Variants in ENTPD1 observed in about 807,000 individuals in gnomAD.
The protein encoded by ENTPD1 is ATP diphosphohydrolase.
Under a neutral mutation model 57.0 loss-of-function variants are expected in ENTPD1, and 33 were observed. The observed-to-expected ratio is 0.58, with a 90% CI of 0.44 to 0.77. ENTPD1 has a LOEUF of 0.77. Ranked by LOEUF, ENTPD1 falls within the 30% of genes least tolerant of loss-of-function variation. ENTPD1 has a pLI of 0.00. For synonymous variants in ENTPD1, 202 were observed against 218.8 expected, an observed-to-expected ratio of 0.92 and a Z score of 0.68; for missense variants, 501 against 603.4, an observed-to-expected ratio of 0.83 and a Z score of 1.78.
chr10:95,806,684 C>T (rs887699841), intron 1 of ENTPD1, among the ~76,000 whole-genome samples: 1 of 152,092 alleles, frequency 6.6e-6, no homozygotes, highest in African/African-American at 2.4e-5. Flanking sequence ...TGTAGGTGTC[C>T]TTTTTGTTGA....
chr10:95,835,155 C>T (rs1187680986), intron 2 of ENTPD1, among the ~76,000 whole-genome samples: 1 of 152,000 alleles, frequency 6.6e-6, no homozygotes, highest in East Asian at 1.9e-4. Context: ...TCATGTGTAC[C>T]CAACGTTTAG....
intron 1 of ENTPD1, among the ~76,000 whole-genome samples, chr10:95,758,002 CA>C (rs57407553): frequency 5.4e-3 from 143 of 26,400 alleles, no homozygotes; most frequent in South Asian, 0.021. Flanking sequence ...GACACTGTCT[CA>C]AAAAAAAAAA....
chr10:95,827,413 C>T (rs948119810), intron 2 of ENTPD1, among the ~76,000 whole-genome samples: 9 of 152,012 alleles, frequency 5.9e-5, no homozygotes, highest in Non-Finnish European at 1.0e-4. Flanking sequence ...CAAGATCACG[C>T]CACTACACTC....
At chr10:95,801,699 T>C (rs891046442) in intron 1 of ENTPD1, among the ~76,000 whole-genome samples, 2 of 152,266 alleles carry the variant, frequency 1.3e-5, no homozygotes, top group Non-Finnish European at 1.5e-5. Flanking sequence ...TGTCTGATTT[T>C]GTACCAGAAC....
intron 1 of ENTPD1, among the ~76,000 whole-genome samples, chr10:95,793,037 T>C (rs1337804379): frequency 1.3e-5 from 2 of 152,196 alleles, no homozygotes; most frequent in Non-Finnish European, 2.9e-5. Flanking sequence ...CCTTACGTCA[T>C]TGCTTCCTCC....
intron 1 of ENTPD1, among the ~76,000 whole-genome samples, chr10:95,778,283 A>G (rs534097147): frequency 1.3e-5 from 2 of 152,254 alleles, no homozygotes; most frequent in East Asian, 3.9e-4. Flanking sequence ...CTTGGAACCA[A>G]GATGTTTCTA....
At chr10:95,810,105 G>A (rs2098297538) in intron 1 of ENTPD1, among the ~76,000 whole-genome samples, 1 of 149,570 alleles carries the variant, frequency 6.7e-6, no homozygotes, top group Non-Finnish European at 1.5e-5. Context: ...CCCGGACAGG[G>A]CGGCCGGGCA....
intron 2 of ENTPD1, chr10:95,839,485 A>G (rs1391755418): frequency 4.8e-6 from 3 of 620,658 alleles, no homozygotes; most frequent in Admixed American, 2.5e-5. Flanking sequence ...TATTTCTAAC[A>G]TGCAAACAGC....
At chr10:95,743,291 C>T (rs530791760) in intron 1 of ENTPD1, among the ~76,000 whole-genome samples, 40 of 152,356 alleles carry the variant, frequency 2.6e-4, no homozygotes, top group Non-Finnish European at 4.3e-4. Flanking sequence ...GTGCCATTTT[C>T]ATCACATCAT....
At chr10:95,707,816 G>A (rs888459576), upstream of ENTPD1, among the ~76,000 whole-genome samples, 1 of 152,124 alleles carries the variant, frequency 6.6e-6, no homozygotes, top group Non-Finnish European at 1.5e-5. Context: ...TGCTAGCCAG[G>A]CTAGTCTTGA....
rs1759742121 is a variant in ENTPD1 at position 95,722,331 on chromosome 10, AT to A, written c.37+10339del. The stretch of plus-strand genomic sequence containing the variant: ...TATTATACTTTAAGTTTTAGGGTAC[AT>A]GTGCACAATGTGCAGGTTAGTTACA... On this transcript the variant is annotated intron_variant, in intron 1 of 9. Coordinates refer to the ENTPD1 transcript ENST00000453258. Among the ~76,000 whole-genome samples the A allele has an allele frequency of 2.0e-5, 3 of 151,372 alleles. No homozygotes were observed. The South Asian group carries it at 6.3e-4, about 32-fold the overall frequency.
intron 1 of ENTPD1, among the ~76,000 whole-genome samples, chr10:95,761,575 T>A (rs1169153938): frequency 6.6e-6 from 1 of 152,212 alleles, no homozygotes; most frequent in South Asian, 2.1e-4. Context: ...TGCAGGATGA[T>A]GGGAAGCCTA....
chr10:95,852,399 T>G (rs1474064025), intron 7 of ENTPD1, among the ~76,000 whole-genome samples: 1 of 152,252 alleles, frequency 6.6e-6, no homozygotes, highest in Non-Finnish European at 1.5e-5. Flanking sequence ...ACTCTGATGG[T>G]AGTTTCTTTT....
intron 1 of ENTPD1, among the ~76,000 whole-genome samples, chr10:95,717,048 G>T (rs531694773): frequency 6.6e-6 from 1 of 152,220 alleles, no homozygotes; most frequent in African/African-American, 2.4e-5. Context: ...GTGTGGGTAG[G>T]CATGGGCCGT....
intron 1 of ENTPD1, among the ~76,000 whole-genome samples, chr10:95,807,000 C>T (rs1279366605): frequency 6.6e-6 from 1 of 152,202 alleles, no homozygotes; most frequent in East Asian, 1.9e-4. Flanking sequence ...TGTCCGTTTT[C>T]AGAGCTCAAA....
chr10:95,779,063 A>T (rs551905609), intron 1 of ENTPD1, among the ~76,000 whole-genome samples: 2 of 152,222 alleles, frequency 1.3e-5, no homozygotes, highest in South Asian at 4.1e-4. Context: ...GAATCCTTAA[A>T]ATCTCTCCTC....
At chr10:95,857,888 G>A (rs2098457973) in intron 7 of ENTPD1, among the ~76,000 whole-genome samples, 1 of 152,094 alleles carries the variant, frequency 6.6e-6, no homozygotes, top group South Asian at 2.1e-4. Flanking sequence ...GGGGCAGGTC[G>A]CGGTGGCTTA....
Position 95,866,130 on chromosome 10 carries a change from T to C in ENTPD1, c.1327-47T>C, listed in dbSNP as rs545510075. ...ATAATTCTAAGCCCTAGGTGATAAC[T>C]CTTCTAACTCCTCCAACCACAAACA... On this transcript the variant is annotated intron_variant, in intron 9 of 9. Coordinates refer to ENST00000371205, the MANE Select transcript of ENTPD1 (RefSeq NM_001776.6). 85 of 1,582,574 alleles carry C rather than the reference T, an allele frequency of 5.4e-5. 1 individual carries two copies. The South Asian group carries it at 8.9e-4, about 17-fold the overall frequency.
At chr10:95,828,651 C>T (rs1196007608) in intron 2 of ENTPD1, among the ~76,000 whole-genome samples, 4 of 151,836 alleles carry the variant, frequency 2.6e-5, no homozygotes, top group Admixed American at 2.0e-4. Context: ...AAATCATTTC[C>T]ACATGCATTT....
Sources: allele counts gnomAD v4.1 joint callset (sites outside exome capture counted in the v4.1 genomes callset), GRCh38; gene constraint gnomAD v4.1.1; transcripts MANE v1.5; gene names NCBI Gene and HGNC (gene_info 2026-07-23, HGNC 2026-07-21).